The following PRP4K variants were observed in gnomAD, a reference collection of about 807,000 sequenced individuals.
PRP4K encodes serine/threonine-protein kinase PRP4 homolog.
the PRP4K span, among the ~76,000 whole-genome samples, chr6:4,039,969 C>T: frequency 1.3e-5 from 2 of 151,782 alleles, no homozygotes; most frequent in Non-Finnish European, 1.5e-5. Flanking sequence ...GTGATCACGA[C>T]TCACTGCAGC....
the PRP4K span, chr6:4,043,699 G>A: frequency 2.1e-6 from 2 of 948,904 alleles, no homozygotes; most frequent in African/African-American, 3.3e-5. Context: ...CATTTGGTTT[G>A]TTACATTATT....
the PRP4K span, among the ~76,000 whole-genome samples, chr6:4,035,742 T>C: frequency 1.3e-5 from 2 of 152,010 alleles, no homozygotes; most frequent in Non-Finnish European, 2.9e-5. Flanking sequence ...CTGAGACGGG[T>C]GGATCACCTG....
At chr6:4,044,863 AT>A in the PRP4K span, among the ~76,000 whole-genome samples, 2,656 of 132,258 alleles carry the variant, frequency 0.02, 90 homozygotes, top group African/African-American at 0.074. Flanking sequence ...TATTATTATT[AT>A]TTTTTTTTTT....
chr6:4,030,223 G>A, the PRP4K span, among the ~76,000 whole-genome samples: 1 of 152,200 alleles, frequency 6.6e-6, no homozygotes, highest in South Asian at 2.1e-4. Flanking sequence ...GATTACAGAC[G>A]TGAGCCACCA....
chr6:4,040,617 T>C, the PRP4K span, among the ~76,000 whole-genome samples: 3 of 152,240 alleles, frequency 2.0e-5, no homozygotes, highest in Non-Finnish European at 1.5e-5. Context: ...CAAACGACCT[T>C]TTTAAAAAAT....
At chr6:4,063,442 T>C in the PRP4K span, 1 of 152,182 alleles carries the variant, frequency 6.6e-6, no homozygotes, top group African/African-American at 2.4e-5. Context: ...GAATAGCATA[T>C]ATCTGAAAGT....
the PRP4K span, among the ~76,000 whole-genome samples, chr6:4,029,288 T>C: frequency 6.6e-6 from 1 of 151,034 alleles, no homozygotes; most frequent in African/African-American, 2.4e-5. Context: ...GAAATGCCCC[T>C]TTTTCCCTTC....
At chr6:4,053,342 T>G in the PRP4K span, among the ~76,000 whole-genome samples, 618 of 152,274 alleles carry the variant, frequency 4.1e-3, 6 homozygotes, top group Non-Finnish European at 5.7e-3. Context: ...GTTTATTTTA[T>G]TTTATTTTTA....
chr6:4,044,175 T>A, the PRP4K span: 1 of 668,438 alleles, frequency 1.5e-6, no homozygotes, highest in African/African-American at 1.8e-5. Flanking sequence ...ATTAAATATG[T>A]CCTTAGAAAT....
the PRP4K span, chr6:4,032,315 A>C: frequency 1.5e-5 from 24 of 1,613,644 alleles, no homozygotes; most frequent in Non-Finnish European, 2.0e-5. Context: ...TTAAAATTGA[A>C]GATAAAAGTA....
chr6:4,031,356 C>T, the PRP4K span, among the ~76,000 whole-genome samples: 5 of 152,112 alleles, frequency 3.3e-5, no homozygotes, highest in African/African-American at 1.2e-4. Context: ...ATTAGAAACA[C>T]AATAAAGTTG....
the PRP4K span, chr6:4,052,653 CT>C: frequency 1.5e-6 from 2 of 1,321,986 alleles, no homozygotes; most frequent in Non-Finnish European, 1.0e-6. Flanking sequence ...ATGTTTTTGC[CT>C]TTTTATATTT....
chr6:4,040,731 C>T, the PRP4K span: 3 of 1,587,246 alleles, frequency 1.9e-6, no homozygotes, highest in Non-Finnish European at 1.7e-6. Context: ...CCCACTTTGA[C>T]ATTTAAAAAA....
chr6:4,031,077 A>G, the PRP4K span, among the ~76,000 whole-genome samples: 1 of 152,182 alleles, frequency 6.6e-6, no homozygotes, highest in Non-Finnish European at 1.5e-5. Flanking sequence ...AGAGACACCA[A>G]GTTTCATGAA....
At chr6:4,057,751 C>CTT in the PRP4K span, among the ~76,000 whole-genome samples, 18 of 81,092 alleles carry the variant, frequency 2.2e-4, no homozygotes, top group East Asian at 2.1e-3. Context: ...CATAACTTAG[C>CTT]TTTTTTTTTT....
the PRP4K span, among the ~76,000 whole-genome samples, chr6:4,036,253 ACT>A: frequency 6.6e-6 from 1 of 152,052 alleles, no homozygotes; most frequent in East Asian, 1.9e-4. Context: ...GCAGGGTCAC[ACT>A]CTGTCACCCA....
At chr6:4,056,401 T>A in the PRP4K span, 1 of 1,614,090 alleles carries the variant, frequency 6.2e-7, no homozygotes, top group Non-Finnish European at 8.5e-7. Flanking sequence ...TAACACCTTA[T>A]CTTGTCAGTA....
chr6:4,056,271 A>G, the PRP4K span: 2 of 1,311,138 alleles, frequency 1.5e-6, no homozygotes, highest in Non-Finnish European at 2.2e-6. Context: ...ATTTATTTGT[A>G]TTAATTATTC....
the PRP4K span, among the ~76,000 whole-genome samples, chr6:4,047,839 G>A: frequency 2.0e-5 from 3 of 149,430 alleles, no homozygotes; most frequent in African/African-American, 7.4e-5. Flanking sequence ...ATAAGAGGAG[G>A]TAGAGAAGAT....
Sources: gnomAD v4.1 joint callset for allele counts (sites outside exome capture counted in the v4.1 genomes callset) on GRCh38, gnomAD v4.1.1 for gene constraint, MANE v1.5 for transcripts, NCBI Gene and HGNC (gene_info 2026-07-23, HGNC 2026-07-21) for gene names.